LHFPL3: variants seen among roughly 807,000 people sequenced by gnomAD.
The protein encoded by LHFPL3 is LHFPL tetraspan subfamily member 3.
A neutral mutation model predicts 19.3 loss-of-function variants in LHFPL3; 5 were observed. The observed-to-expected ratio is 0.26, with a 90% CI of 0.14 to 0.54. The LOEUF is 0.54. LHFPL3 is among the 20% of genes least tolerant of loss of function. The probability of loss-of-function intolerance (pLI) is 0.94; values close to 1 mark genes in which losing one functional copy is unlikely to be tolerated. For missense variants in LHFPL3, 249 were observed against 307.4 expected, an observed-to-expected ratio of 0.81 and a Z score of 1.42; for synonymous variants, 133 against 126.2, an observed-to-expected ratio of 1.05 and a Z score of -0.36.
chr7:104,814,823 C>T (rs900371553), intron 2 of LHFPL3, among the ~76,000 whole-genome samples: 7 of 152,210 alleles, frequency 4.6e-5, no homozygotes, highest in Non-Finnish European at 7.3e-5. Context: ...CGGCAGTGGC[C>T]GGGCTGGGTC....
chr7:104,718,218 C>T (rs1376115168), intron 1 of LHFPL3, among the ~76,000 whole-genome samples: 2 of 151,982 alleles, frequency 1.3e-5, no homozygotes, highest in East Asian at 1.9e-4. Context: ...TCTAGAGATT[C>T]GTAGAACATT....
intron 1 of LHFPL3, among the ~76,000 whole-genome samples, chr7:104,627,605 A>T (rs1304433463): frequency 6.6e-6 from 1 of 152,218 alleles, no homozygotes; most frequent in East Asian, 1.9e-4. Context: ...AGTTAAAATT[A>T]GATTTCCTAC....
At chr7:104,415,966 T>A (rs920244760) in intron 1 of LHFPL3, among the ~76,000 whole-genome samples, 2 of 152,140 alleles carry the variant, frequency 1.3e-5, no homozygotes, top group Admixed American at 1.3e-4. Flanking sequence ...ATACCACCTA[T>A]TATGGGTTGC....
chr7:104,623,886 A>G (rs1791496913), intron 1 of LHFPL3, among the ~76,000 whole-genome samples: 1 of 152,198 alleles, frequency 6.6e-6, no homozygotes, highest in Non-Finnish European at 1.5e-5. Flanking sequence ...AGCCCCACAC[A>G]GATGAGTCCT....
chr7:104,870,709 G>C (rs566715230), intron 2 of LHFPL3, among the ~76,000 whole-genome samples: 1 of 152,172 alleles, frequency 6.6e-6, no homozygotes, highest in Non-Finnish European at 1.5e-5. Context: ...GAAGCCCTGG[G>C]AAGTTTTCCC....
At chr7:104,509,166 A>G (rs1330633389) in intron 1 of LHFPL3, among the ~76,000 whole-genome samples, 2 of 152,088 alleles carry the variant, frequency 1.3e-5, no homozygotes, top group East Asian at 3.8e-4. Context: ...GAATTCTACC[A>G]GAAGATAGAA....
intron 1 of LHFPL3, among the ~76,000 whole-genome samples, chr7:104,401,453 C>A (rs762108946): frequency 1.1e-4 from 16 of 152,038 alleles, no homozygotes; most frequent in Non-Finnish European, 1.6e-4. Context: ...CAGTAGTGTT[C>A]AGAGGACCAG....
intron 1 of LHFPL3, among the ~76,000 whole-genome samples, chr7:104,711,902 A>G (rs1562970788): frequency 1.3e-5 from 2 of 152,224 alleles, no homozygotes; most frequent in Non-Finnish European, 2.9e-5. Flanking sequence ...TGAAGAACCC[A>G]TAAGTATCAA....
chr7:104,651,809 G>C (rs531651388), intron 1 of LHFPL3, among the ~76,000 whole-genome samples: 4 of 152,186 alleles, frequency 2.6e-5, no homozygotes. Context: ...TTAGCAGTGA[G>C]ACCTTGAGAA....
intron 1 of LHFPL3, among the ~76,000 whole-genome samples, chr7:104,417,884 C>CTTCTTTTT (rs1554391164): frequency 2.4e-3 from 285 of 117,748 alleles, no homozygotes; most frequent in Middle Eastern, 4.3e-3. Flanking sequence ...TCTTCTTCTT[C>CTTCTTTTT]TTTTTTTTTT....
At chr7:104,458,545 A>T (rs188737600) in intron 1 of LHFPL3, among the ~76,000 whole-genome samples, 3,914 of 152,100 alleles carry the variant, frequency 0.026, 154 homozygotes, top group African/African-American at 0.089. Flanking sequence ...GAAGTCAGGT[A>T]GTGTGATGCC....
intron 2 of LHFPL3, among the ~76,000 whole-genome samples, chr7:104,873,051 A>G (rs1791866768): frequency 6.6e-6 from 1 of 152,216 alleles, no homozygotes; most frequent in African/African-American, 2.4e-5. Flanking sequence ...CAATGTCATT[A>G]AACAATAGGA....
intron 1 of LHFPL3, among the ~76,000 whole-genome samples, chr7:104,627,066 G>T (rs991578224): frequency 6.6e-6 from 1 of 152,060 alleles, no homozygotes; most frequent in Admixed American, 6.6e-5. Context: ...TTTTACAGTA[G>T]ATCTCTTGAC....
At chr7:104,609,091 C>A (rs192892880) in intron 1 of LHFPL3, among the ~76,000 whole-genome samples, 46 of 151,790 alleles carry the variant, frequency 3.0e-4, no homozygotes, top group African/African-American at 9.9e-4. Context: ...ATGGTGAAAC[C>A]CTGTATCTAC....
chr7:104,757,937 G>C (rs1275613944), intron 2 of LHFPL3, among the ~76,000 whole-genome samples: 1 of 152,132 alleles, frequency 6.6e-6, no homozygotes, highest in East Asian at 1.9e-4. Context: ...CAATAGCAAA[G>C]ACATGAAATC....
chr7:104,877,992 C>T (rs945702481), intron 2 of LHFPL3, among the ~76,000 whole-genome samples: 9 of 152,162 alleles, frequency 5.9e-5, no homozygotes, highest in Admixed American at 6.5e-5. Context: ...CGCCACCACA[C>T]CTGGCTAATT....
intron 1 of LHFPL3, among the ~76,000 whole-genome samples, chr7:104,706,211 A>G (rs147709596): frequency 5.3e-4 from 81 of 152,202 alleles, no homozygotes; most frequent in South Asian, 3.3e-3. Flanking sequence ...TCATCATCTG[A>G]CCACACCAAA....
chr7:104,475,856 A>T (rs1396844346), intron 1 of LHFPL3, among the ~76,000 whole-genome samples: 1 of 152,214 alleles, frequency 6.6e-6, no homozygotes, highest in Non-Finnish European at 1.5e-5. Context: ...ACTGTTTTCT[A>T]TTCTTTCTTG....
intron 1 of LHFPL3, among the ~76,000 whole-genome samples, chr7:104,490,649 C>A (rs149467124): frequency 6.6e-6 from 1 of 151,982 alleles, no homozygotes; most frequent in Non-Finnish European, 1.5e-5. Context: ...AGATCTAAAG[C>A]GACGGATATC....
Sources: allele counts gnomAD v4.1 joint callset (sites outside exome capture counted in the v4.1 genomes callset), GRCh38; gene constraint gnomAD v4.1.1; transcripts MANE v1.5; gene names NCBI Gene and HGNC (gene_info 2026-07-23, HGNC 2026-07-21).